The following MED13L variants were observed in gnomAD, a reference collection of about 807,000 sequenced individuals.
MED13L encodes the protein mediator complex subunit 13L.
A neutral mutation model predicts 220.9 loss-of-function variants in MED13L; 7 were observed. That is an observed-to-expected ratio of 0.03 (90% CI 0.02 to 0.06). The LOEUF (loss-of-function observed/expected upper bound fraction) is 0.06, where lower values mean the gene tolerates loss of function less well. Among genes scored for constraint, MED13L ranks in the 10% least tolerant of loss-of-function variants. The pLI, the probability that MED13L is intolerant of heterozygous loss-of-function variation, is 1.00. For missense variants in MED13L, 1,965 were observed against 2,760.5 expected, an observed-to-expected ratio of 0.71 and a Z score of 6.46; for synonymous variants, 1,011 against 1,015.2, an observed-to-expected ratio of 1.00 and a Z score of 0.08.
At chr12:116,037,692 G>T (rs1463045152) in intron 4 of MED13L, among the ~76,000 whole-genome samples, 3 of 152,092 alleles carry the variant, frequency 2.0e-5, no homozygotes, top group Non-Finnish European at 2.9e-5. Flanking sequence ...GCACCGTAGT[G>T]GTATCAGAGA....
chr12:116,136,951 G>A (rs796843481), intron 2 of MED13L, among the ~76,000 whole-genome samples: 1 of 152,218 alleles, frequency 6.6e-6, no homozygotes, highest in African/African-American at 2.4e-5. Flanking sequence ...AACATAAACA[G>A]AAGACAATTG....
chr12:115,987,254 C>T lies in MED13L; in HGVS notation c.3969G>A (p.Val1323=). Residue 1323 remains valine, a synonymous_variant, in exon 18 of 31, where the codon GTG becomes GTA. Transcript: ENST00000281928. ...GCTGCAGGGACAACAGCATACGAAC[C>T]ACATCCTGGGAGGAGAGCATGCTGA... The part of the protein sequence containing the change: ...LDISMLSSQD[V]VRMLLSLQPF... The T allele has an allele frequency of 6.2e-7, 1 of 1,613,626 alleles. No individual in the cohort carries two copies. The highest frequency in any genetic ancestry group is 1.1e-5 in the South Asian group (1 of 91,044).
chr12:115,983,054 C>T, intron 21 of MED13L, 63 bp downstream of exon 21: 1 of 1,540,946 alleles, frequency 6.5e-7, no homozygotes, highest in Non-Finnish European at 8.9e-7. Context: ...AGAAAAGGTG[C>T]AGAAGAAGAA....
chr12:116,111,375 C>A (rs1300579083), intron 3 of MED13L, 53 bp downstream of exon 3: 2 of 1,404,774 alleles, frequency 1.4e-6, no homozygotes, highest in Admixed American at 1.7e-5. Flanking sequence ...CTCTCGGTAT[C>A]TAGCAATATA....
chr12:115,969,897 A>T (rs1350872483), intron 27 of MED13L, among the ~76,000 whole-genome samples: 1 of 152,196 alleles, frequency 6.6e-6, no homozygotes, highest in Non-Finnish European at 1.5e-5. Context: ...TTTGTAAAGA[A>T]AAGTATAAAA....
chr12:116,214,167 T>C lies in MED13L; in HGVS notation c.310+23301A>G, dbSNP rs575969821. On this transcript the variant is annotated intron_variant, in intron 2 of 30. Transcript: ENST00000281928. ...ACAAAAAAGTCACAGTAAATTAGGA[T>C]TCCTTAGTAATATAAATAAATCCAC... 5.9e-5 allele frequency among the ~76,000 whole-genome samples: 9 copies of C among 152,340 alleles called. 4 individuals carry two copies. The highest frequency in any genetic ancestry group is 2.2e-4 in the African/African-American group (9 of 41,580).
chr12:116,260,741 C>A (rs951712578), intron 1 of MED13L, among the ~76,000 whole-genome samples: 7 of 152,144 alleles, frequency 4.6e-5, no homozygotes, highest in Non-Finnish European at 1.0e-4. Flanking sequence ...GCCATTTCCA[C>A]AAAGGCATGA....
chr12:116,074,259 G>A (rs548191677), intron 4 of MED13L, among the ~76,000 whole-genome samples: 1 of 152,278 alleles, frequency 6.6e-6, no homozygotes, highest in East Asian at 1.9e-4. Context: ...GCCGGGGGTG[G>A]TGGTGCAAGC....
intron 2 of MED13L, among the ~76,000 whole-genome samples, chr12:116,183,298 TAC>T (rs1161440672): frequency 6.6e-6 from 1 of 152,194 alleles, no homozygotes; most frequent in Admixed American, 6.5e-5. Context: ...AAATAAACAG[TAC>T]AGTTTTCAAT....
intron 4 of MED13L, among the ~76,000 whole-genome samples, chr12:116,054,904 C>A (rs1868820879): frequency 6.6e-6 from 1 of 152,130 alleles, no homozygotes; most frequent in Admixed American, 6.5e-5. Context: ...CAGGATTATT[C>A]ATAATAGCCC....
chr12:115,990,837 T>C (rs997596814), intron 17 of MED13L, among the ~76,000 whole-genome samples, 183 bp downstream of exon 17: 4 of 152,212 alleles, frequency 2.6e-5, no homozygotes, highest in African/African-American at 9.6e-5. Flanking sequence ...GGCATTTCAA[T>C]ATAAAACATT....
intron 1 of MED13L, among the ~76,000 whole-genome samples, chr12:116,242,853 C>T (rs1488411146): frequency 6.6e-6 from 1 of 152,154 alleles, no homozygotes. Flanking sequence ...TAAATTCTTT[C>T]CATTCTGCCA....
intron 13 of MED13L, 115 bp downstream of exon 13, chr12:116,005,754 C>G: frequency 7.4e-7 from 1 of 1,342,750 alleles, no homozygotes. Flanking sequence ...ACATTCAGAA[C>G]CTGAAATAAG....
chr12:116,170,170 T>C (rs1668815803), intron 2 of MED13L, among the ~76,000 whole-genome samples: 1 of 152,206 alleles, frequency 6.6e-6, no homozygotes, highest in African/African-American at 2.4e-5. Context: ...TTGACACATT[T>C]TACCAAACTC....
At position 115,996,470 on chromosome 12, in the gene MED13L, A is replaced by G; in HGVS notation, c.2996+6T>C. ...GGCAAGTAAATGACACAATCCCTAT[A>G]CATACTTGTAGCCATCTCTAATGAA... On this transcript the variant is annotated splice_donor_region_variant and intron_variant, in intron 16 of 30. Coordinates refer to ENST00000281928, the MANE Select transcript of MED13L (RefSeq NM_015335.5). The G allele has an allele frequency of 6.2e-7, 1 of 1,608,246 alleles. No homozygotes were observed. The highest frequency in any genetic ancestry group is 8.5e-7 in the Non-Finnish European group (1 of 1,174,604).
intron 1 of MED13L, among the ~76,000 whole-genome samples, chr12:116,268,511 T>C (rs1873003508): frequency 6.6e-6 from 1 of 152,062 alleles, no homozygotes; most frequent in African/African-American, 2.4e-5. Context: ...CAAAAATACT[T>C]CCTCATACTC....
chr12:116,024,551 C>T (rs11067882), intron 4 of MED13L, among the ~76,000 whole-genome samples: 1,582 of 152,182 alleles, frequency 0.01, 32 homozygotes, highest in African/African-American at 0.036. Flanking sequence ...ATATAGTTTG[C>T]AAATATTTTC....
intron 2 of MED13L, among the ~76,000 whole-genome samples, chr12:116,224,548 A>G (rs146108609): frequency 1.3e-5 from 2 of 152,180 alleles, no homozygotes; most frequent in African/African-American, 4.8e-5. Context: ...AATGTTTCCA[A>G]TTCATTTCTG....
intron 2 of MED13L, among the ~76,000 whole-genome samples, chr12:116,112,604 TA>T (rs1339372740): frequency 1.2e-4 from 18 of 152,348 alleles, no homozygotes; most frequent in African/African-American, 4.3e-4. Context: ...CCTATGTGGC[TA>T]ATCCTGATTT....
Sources: gnomAD v4.1 joint callset for allele counts (sites outside exome capture counted in the v4.1 genomes callset) on GRCh38, gnomAD v4.1.1 for gene constraint, MANE v1.5 for transcripts, NCBI Gene and HGNC (gene_info 2026-07-23, HGNC 2026-07-21) for gene names.